Variants in ATPSCKMT observed in about 807,000 individuals in gnomAD.
ATPSCKMT encodes the protein ATP synthase subunit C lysine N-methyltransferase.
A neutral mutation model predicts 24.3 loss-of-function variants in ATPSCKMT; 24 were observed. That is an observed-to-expected ratio of 0.99 (90% confidence interval 0.71 to 1.39). The LOEUF (loss-of-function observed/expected upper bound fraction) is 1.39. ATPSCKMT is among the 40% of genes most tolerant of loss of function. The pLI is 0.00. For synonymous variants in ATPSCKMT, 95 were observed against 110.5 expected, an observed-to-expected ratio of 0.86 and a Z score of 0.88; for missense variants, 311 against 298.4, an observed-to-expected ratio of 1.04 and a Z score of -0.31.
intron 1 of ATPSCKMT, among the ~76,000 whole-genome samples, chr5:10,245,428 ATAAT>A (rs1744871575): frequency 6.6e-6 from 1 of 152,040 alleles, no homozygotes; most frequent in Non-Finnish European, 1.5e-5. Flanking sequence ...TCAAAAAATA[ATAAT>A]AAAATAAAAT....
intron 3 of ATPSCKMT, 65 bp downstream of exon 3, chr5:10,236,413 A>G: frequency 6.5e-7 from 1 of 1,545,698 alleles, no homozygotes; most frequent in Non-Finnish European, 8.8e-7. Flanking sequence ...GTTCTCAGTC[A>G]TACTAATTTT....
chr5:10,228,414 A>G (rs1370689761), intron 4 of ATPSCKMT, among the ~76,000 whole-genome samples: 1 of 152,134 alleles, frequency 6.6e-6, no homozygotes, highest in Non-Finnish European at 1.5e-5. Context: ...AACTTATACC[A>G]CCGTTGTACC....
intron 2 of ATPSCKMT, chr5:10,236,887 T>C (rs1027902516): frequency 1.9e-5 from 27 of 1,419,404 alleles, no homozygotes; most frequent in Middle Eastern, 3.7e-4. Context: ...CCTCCATAAT[T>C]GATTCTAGGT....
intron 4 of ATPSCKMT, among the ~76,000 whole-genome samples, chr5:10,231,273 T>C (rs1047332333): frequency 1.4e-4 from 22 of 152,248 alleles, no homozygotes; most frequent in African/African-American, 5.3e-4. Context: ...GTCCTGTGGA[T>C]TTTATCTTCA....
At chr5:10,237,123 T>G in intron 2 of ATPSCKMT, 8 of 892,256 alleles carry the variant, frequency 9.0e-6, no homozygotes, top group Non-Finnish European at 1.3e-5. Context: ...CAGGTAAAAG[T>G]AAAATGAAAT....
intron 4 of ATPSCKMT, among the ~76,000 whole-genome samples, chr5:10,231,718 T>G (rs1454698694): frequency 6.6e-6 from 1 of 152,058 alleles, no homozygotes; most frequent in African/African-American, 2.4e-5. Context: ...ATATCTGCTC[T>G]CCCCACTAGC....
chr5:10,248,470 TTG>T (rs1745058693), intron 1 of ATPSCKMT: 2 of 152,380 alleles, frequency 1.3e-5, no homozygotes, highest in Non-Finnish European at 2.9e-5. Flanking sequence ...TAAAATGTCC[TTG>T]AAGAACACTT....
At chr5:10,243,516 C>G (rs575346315) in intron 1 of ATPSCKMT, among the ~76,000 whole-genome samples, 1 of 152,066 alleles carries the variant, frequency 6.6e-6, no homozygotes, top group Admixed American at 6.6e-5. Flanking sequence ...AGTGCAGCAA[C>G]CCTCATCAAC....
chr5:10,245,152 G>A (rs1328571923), intron 1 of ATPSCKMT, among the ~76,000 whole-genome samples: 1 of 152,176 alleles, frequency 6.6e-6, no homozygotes, highest in Non-Finnish European at 1.5e-5. Flanking sequence ...TGGGCATGGT[G>A]GCTCACGCCT....
chr5:10,237,807 C>T (rs576473907), intron 2 of ATPSCKMT, among the ~76,000 whole-genome samples: 3 of 152,004 alleles, frequency 2.0e-5, no homozygotes, highest in South Asian at 2.1e-4. Context: ...AGTGCAGTGG[C>T]GTGATCTTGG....
At position 10,231,549 on chromosome 5, in the gene ATPSCKMT, C is replaced by T. The variant is rs565130854; in HGVS notation, c.495+3662G>A. Among the ~76,000 whole-genome samples, 12 of 152,010 alleles carry T rather than the reference C, an allele frequency of 7.9e-5. 1 individual carries two copies. The highest frequency in any genetic ancestry group is 1.5e-4 in the Non-Finnish European group (10 of 68,000). On this transcript the variant is annotated intron_variant, in intron 4 of 4. Transcript: ENST00000511437. ...CCTGCCTGCTTGCTGCACTGCCCCC[C>T]ACCCTGCCCGAGGCGCTCTTCCCTG... is the stretch of plus-strand genomic sequence containing the variant.
chr5:10,239,815 T>A (rs894397621), intron 1 of ATPSCKMT, among the ~76,000 whole-genome samples: 4 of 152,286 alleles, frequency 2.6e-5, no homozygotes, highest in South Asian at 2.1e-4. Context: ...TGGTCTGGCA[T>A]CTACAATCCA....
At chr5:10,241,811 A>G (rs1024720544) in intron 1 of ATPSCKMT, among the ~76,000 whole-genome samples, 1 of 152,200 alleles carries the variant, frequency 6.6e-6, no homozygotes, top group African/African-American at 2.4e-5. Flanking sequence ...AGTTACACAA[A>G]TATTTTTGGT....
At chr5:10,229,195 T>C (rs1744016846) in intron 4 of ATPSCKMT, among the ~76,000 whole-genome samples, 1 of 152,246 alleles carries the variant, frequency 6.6e-6, no homozygotes, top group Non-Finnish European at 1.5e-5. Flanking sequence ...GTATAACATT[T>C]CCCAAGGGTA....
At chr5:10,241,856 A>C (rs1263787931) in intron 1 of ATPSCKMT, among the ~76,000 whole-genome samples, 1 of 152,236 alleles carries the variant, frequency 6.6e-6, no homozygotes, top group Non-Finnish European at 1.5e-5. Context: ...TTTACACTAT[A>C]CTGGAGTCTA....
At chr5:10,230,259 C>A (rs1744065760) in intron 4 of ATPSCKMT, among the ~76,000 whole-genome samples, 1 of 97,804 alleles carries the variant, frequency 1.0e-5, no homozygotes, top group Non-Finnish European at 2.3e-5. Flanking sequence ...TTTTAACAGC[C>A]AGTATAGATT....
intron 1 of ATPSCKMT, among the ~76,000 whole-genome samples, chr5:10,242,717 C>A (rs186578160): frequency 8.5e-5 from 13 of 152,188 alleles, no homozygotes; most frequent in African/African-American, 2.9e-4. Context: ...TCTAGCCTTA[C>A]GAAATGTATT....
At chr5:10,229,245 T>C (rs1354855513) in intron 4 of ATPSCKMT, among the ~76,000 whole-genome samples, 1 of 152,228 alleles carries the variant, frequency 6.6e-6, no homozygotes, top group African/African-American at 2.4e-5. Flanking sequence ...AGCCATAACA[T>C]TCCTTTGGTC....
chr5:10,236,837 C>T, intron 2 of ATPSCKMT: 1 of 1,479,254 alleles, frequency 6.8e-7, no homozygotes, highest in Non-Finnish European at 9.0e-7. Context: ...AAAGACTTCA[C>T]CTCAAGTATC....
Sources: allele counts gnomAD v4.1 joint callset (sites outside exome capture counted in the v4.1 genomes callset), GRCh38; gene constraint gnomAD v4.1.1; transcripts MANE v1.5; gene names NCBI Gene and HGNC (gene_info 2026-07-23, HGNC 2026-07-21).